Variants in CHST8 observed in about 807,000 individuals in gnomAD.
CHST8 encodes carbohydrate sulfotransferase 8.
CHST8 carries 10 observed loss-of-function variants against 15.0 expected under a neutral mutation model. The observed-to-expected ratio is 0.67, with a 90% CI of 0.41 to 1.13. The LOEUF (loss-of-function observed/expected upper bound fraction) is 1.13, where lower values mean the gene tolerates loss of function less well. Ranked by LOEUF, CHST8 falls within the 50% of genes most tolerant of loss-of-function variation. The pLI, the probability that CHST8 is intolerant of heterozygous loss-of-function variation, is 0.00. For missense variants in CHST8, 634 were observed against 608.2 expected, an observed-to-expected ratio of 1.04 and a Z score of -0.45; for synonymous variants, 259 against 256.6, an observed-to-expected ratio of 1.01 and a Z score of -0.09.
At chr19:33,710,264 T>C (rs1973522938) in intron 3 of CHST8, among the ~76,000 whole-genome samples, 1 of 152,238 alleles carries the variant, frequency 6.6e-6, no homozygotes, top group Non-Finnish European at 1.5e-5. Context: ...GTCAATTTTG[T>C]TGATCTTTTC....
chr19:33,687,760 G>A (rs987182575), intron 2 of CHST8, among the ~76,000 whole-genome samples: 6 of 152,230 alleles, frequency 3.9e-5, no homozygotes, highest in Non-Finnish European at 5.9e-5. Flanking sequence ...GGGGAGCAGG[G>A]AGAGTGCCTC....
At chr19:33,686,992 C>A (rs1972992544) in intron 2 of CHST8, among the ~76,000 whole-genome samples, 1 of 152,244 alleles carries the variant, frequency 6.6e-6, no homozygotes, top group Admixed American at 6.5e-5. Context: ...CATCTGAGAG[C>A]CATGGCCCCC....
chr19:33,765,665 G>A (rs766644808), intron 3 of CHST8, among the ~76,000 whole-genome samples: 12 of 152,042 alleles, frequency 7.9e-5, no homozygotes, highest in Admixed American at 2.6e-4. Flanking sequence ...GGGTTTAAGC[G>A]ATTCTCCTGC....
At position 33,729,980 on chromosome 19, in the gene CHST8, G is replaced by A. The variant is rs374254291; in HGVS notation, c.130+40589G>A. Among the ~76,000 whole-genome samples, 20 of 152,334 alleles carry A rather than the reference G, an allele frequency of 1.3e-4. No individual in the cohort carries two copies. The East Asian group carries it at 3.1e-3, about 23-fold the overall frequency. ...ATATGATCCTTAAACAAAAGCCTATGATTTTAAGGTTGGAGATCCTGTCTA... is the reference window on the plus strand; with the variant it reads ...ATATGATCCTTAAACAAAAGCCTATAATTTTAAGGTTGGAGATCCTGTCTA... On this transcript the variant is annotated intron_variant, in intron 3 of 4. Coordinates refer to ENST00000650847, the MANE Select transcript of CHST8 (RefSeq NM_001127895.2).
At chr19:33,749,888 G>A (rs564425887) in intron 3 of CHST8, among the ~76,000 whole-genome samples, 3 of 152,336 alleles carry the variant, frequency 2.0e-5, no homozygotes, top group East Asian at 1.9e-4. Context: ...AAGGGTCCGG[G>A]TCGTGGCCCT....
intron 3 of CHST8, among the ~76,000 whole-genome samples, chr19:33,741,592 G>A (rs1246177746): frequency 6.6e-6 from 1 of 152,128 alleles, no homozygotes; most frequent in African/African-American, 2.4e-5. Context: ...GAGTTTATGG[G>A]ATTCTGGTGG....
At chr19:33,688,291 T>C (rs1195891909) in intron 2 of CHST8, among the ~76,000 whole-genome samples, 13 of 152,144 alleles carry the variant, frequency 8.5e-5, no homozygotes, top group Non-Finnish European at 1.5e-5. Flanking sequence ...ATGTGGGGGA[T>C]GGGGAATTTC....
At chr19:33,742,919 C>A (rs1161859632) in intron 3 of CHST8, among the ~76,000 whole-genome samples, 1 of 152,180 alleles carries the variant, frequency 6.6e-6, no homozygotes, top group East Asian at 1.9e-4. Flanking sequence ...TGTCCCCCAT[C>A]AGTCTCGGGG....
intron 3 of CHST8, among the ~76,000 whole-genome samples, chr19:33,738,569 G>A (rs985664692): frequency 6.6e-6 from 1 of 152,040 alleles, no homozygotes. Context: ...TTGACATCTG[G>A]AGAGAGAGAG....
At position 33,729,572 on chromosome 19, in the gene CHST8, T is replaced by C. The variant is rs568116750; in HGVS notation, c.130+40181T>C. 1.7e-3 allele frequency among the ~76,000 whole-genome samples: 255 copies of C among 152,370 alleles called. 1 individual carries two copies. Among genetic ancestry groups the C allele is most frequent in the Non-Finnish European group, 2.5e-3 (168 of 68,036 alleles). On this transcript the variant is annotated intron_variant, in intron 3 of 4. Coordinates refer to ENST00000650847, the MANE Select transcript of CHST8 (RefSeq NM_001127895.2). ...GGTGGTGAGGATTGCTGGCACCATCTTGGAGGCTGCCTGCCGCAGGTGAGG... is the reference window on the plus strand; with the variant it reads ...GGTGGTGAGGATTGCTGGCACCATCCTGGAGGCTGCCTGCCGCAGGTGAGG...
chr19:33,767,969 C>T (rs1289963200), intron 3 of CHST8, among the ~76,000 whole-genome samples: 1 of 152,174 alleles, frequency 6.6e-6, no homozygotes, highest in African/African-American at 2.4e-5. Flanking sequence ...GTGCCCCCCA[C>T]GGCACTGGTA....
At position 33,772,327 on chromosome 19, in the gene CHST8, A is replaced by G; in HGVS notation, c.539A>G (p.His180Arg). The change falls in exon 5 of 5, where the codon CAC becomes CGC. Residue 180 changes from histidine to arginine, a missense_variant. Transcript: ENST00000650847. The stretch of plus-strand genomic sequence containing the variant: ...AGCCGCCGGGCCGTCACGCCCCGCC[A>G]CGTGTCCCGTATCTTCGTGGAGGAC... ...SSSRRAVTPRHVSRIFVEDRH... is the reference protein window; with the variant it reads ...SSSRRAVTPRRVSRIFVEDRH... The G allele has an allele frequency of 6.2e-7, 1 of 1,605,762 alleles. No individual in the cohort carries two copies. The highest frequency in any genetic ancestry group is 8.5e-7 in the Non-Finnish European group (1 of 1,179,272).
chr19:33,771,875 C>A, intron 4 of CHST8, 82 bp from the exon 5 acceptor site: 1 of 1,462,916 alleles, frequency 6.8e-7, no homozygotes, highest in Non-Finnish European at 9.2e-7. Context: ...GGAACCCCAG[C>A]CGTGGTGAGA....
chr19:33,647,553 A>G (rs943792053), intron 1 of CHST8, among the ~76,000 whole-genome samples: 5 of 152,150 alleles, frequency 3.3e-5, no homozygotes, highest in African/African-American at 1.2e-4. Context: ...GGGCAAAGAA[A>G]TGGGGAGATA....
chr19:33,703,307 C>T (rs963472272), intron 3 of CHST8, among the ~76,000 whole-genome samples: 3 of 152,230 alleles, frequency 2.0e-5, no homozygotes, highest in African/African-American at 7.2e-5. Context: ...TGGGGTCCCA[C>T]CGTGTGCCAA....
chr19:33,637,553 C>T (rs567550208), intron 1 of CHST8, among the ~76,000 whole-genome samples: 1 of 151,656 alleles, frequency 6.6e-6, no homozygotes, highest in South Asian at 2.1e-4. Context: ...CAGGCGCACG[C>T]TGCCACACCC....
intron 3 of CHST8, among the ~76,000 whole-genome samples, chr19:33,706,192 G>C (rs1973442221): frequency 6.6e-6 from 1 of 152,192 alleles, no homozygotes; most frequent in African/African-American, 2.4e-5. Flanking sequence ...GAGATGCATG[G>C]CATTGGAGGG....
intron 1 of CHST8, among the ~76,000 whole-genome samples, chr19:33,634,677 C>CAAAA (rs3040761): frequency 1.3e-4 from 7 of 52,368 alleles, no homozygotes; most frequent in African/African-American, 4.0e-4. Context: ...GTCACGAAAC[C>CAAAA]AAAAAAAAAA....
chr19:33,717,925 G>A (rs1342978157), intron 3 of CHST8, among the ~76,000 whole-genome samples: 2 of 152,164 alleles, frequency 1.3e-5, no homozygotes, highest in African/African-American at 4.8e-5. Context: ...AGGTACTGGG[G>A]GTTAGGACTT....
Sources: allele counts gnomAD v4.1 joint callset (sites outside exome capture counted in the v4.1 genomes callset), GRCh38; gene constraint gnomAD v4.1.1; transcripts MANE v1.5; gene names NCBI Gene and HGNC (gene_info 2026-07-23, HGNC 2026-07-21).